Variants in NEXN observed in about 807,000 individuals in gnomAD.
The protein encoded by NEXN is nexilin F-actin binding protein, also known as nexilin.
In NEXN, 65 loss-of-function variants were observed where a neutral mutation model predicts 92.6. That is an observed-to-expected ratio of 0.70 (90% CI 0.57 to 0.86). The LOEUF is 0.86. Among genes scored for constraint, NEXN ranks in the 40% least tolerant of loss-of-function variants. The pLI, the probability that NEXN is intolerant of heterozygous loss-of-function variation, is 0.00. For missense variants in NEXN, 778 were observed against 771.1 expected (o/e 1.01, Z -0.11); for synonymous variants, 254 against 242.5 (o/e 1.05, Z -0.44).
intron 9 of NEXN, among the ~76,000 whole-genome samples, chr1:77,932,692 ATTTC>A (rs150052982): frequency 0.049 from 7,485 of 152,292 alleles, 420 homozygotes; most frequent in African/African-American, 0.14. Flanking sequence ...TGAATAAATT[ATTTC>A]TTTGTCTTCA....
At chr1:77,900,548 A>G (rs1444602425) in intron 1 of NEXN, among the ~76,000 whole-genome samples, 1 of 152,216 alleles carries the variant, frequency 6.6e-6, no homozygotes, top group Non-Finnish European at 1.5e-5. Context: ...TATTGTAAAT[A>G]CAGACCTCAT....
chr1:77,933,231 T>G, intron 9 of NEXN, 51 bp from the exon 10 acceptor site: 1 of 1,128,164 alleles, frequency 8.9e-7, no homozygotes, highest in Non-Finnish European at 1.3e-6. Flanking sequence ...AATAGTCCCT[T>G]TTTAGTATGT....
intron 11 of NEXN, among the ~76,000 whole-genome samples, 173 bp downstream of exon 11, chr1:77,936,217 C>T (rs1295373971): frequency 6.6e-6 from 1 of 152,088 alleles, no homozygotes; most frequent in Non-Finnish European, 1.5e-5. Context: ...GAAAGACTAG[C>T]ATTGTTTCAA....
intron 1 of NEXN, among the ~76,000 whole-genome samples, chr1:77,892,159 CCT>C (rs1184703769): frequency 6.6e-6 from 1 of 151,706 alleles, no homozygotes; most frequent in Non-Finnish European, 1.5e-5. Flanking sequence ...CGATTTACGT[CCT>C]CTCTTAAAAA....
chr1:77,930,333 T>A (rs141398188), intron 9 of NEXN, among the ~76,000 whole-genome samples: 1 of 152,302 alleles, frequency 6.6e-6, no homozygotes, highest in East Asian at 1.9e-4. Flanking sequence ...CTAAGTCTCG[T>A]TTATTCTACC....
intron 12 of NEXN, 123 bp downstream of exon 12, chr1:77,942,331 A>T (rs1651417049): frequency 7.3e-7 from 1 of 1,366,102 alleles, no homozygotes; most frequent in Admixed American, 1.7e-5. Flanking sequence ...TGTACTGTTA[A>T]GTACACTTTG....
In NEXN at chr1:77,935,978, AGAGC is replaced by A; in HGVS notation, c.1412_1415del (p.Arg471GlnfsTer40). On this transcript the variant is annotated frameshift_variant, in exon 11 of 13. Transcript: ENST00000334785. LOFTEE classifies it high-confidence loss of function. Reference sequence around the variant, plus strand: ...AAGAAATACAGAAAAAAATAGAAGAAGAGCGAGCAAGAAGGAGAGCAATTGACCT... The same window carrying A: ...AAGAAATACAGAAAAAAATAGAAGAAGAGCAAGAAGGAGAGCAATTGACCT... 6.2e-7 allele frequency: 1 copy of A among 1,614,022 alleles called. No individual in the cohort carries two copies. Among genetic ancestry groups the A allele is most frequent in the Non-Finnish European group, 8.5e-7 (1 of 1,179,992 alleles).
chr1:77,899,430 T>G (rs1647509627), intron 1 of NEXN, among the ~76,000 whole-genome samples: 1 of 152,034 alleles, frequency 6.6e-6, no homozygotes, highest in Non-Finnish European at 1.5e-5. Context: ...ACACCGCATG[T>G]TCTCACTCAT....
In NEXN at chr1:77,888,794, G is replaced by A. The variant is rs1337558505; in HGVS notation, c.-53+35G>A. On this transcript the variant is annotated intron_variant, in intron 1 of 12. Transcript: ENST00000334785. ...GTTGGGGGAACGTGGGCTGGGGGGAGTGGAGACGGAGGTGTCGGGTCCCCT... is the reference window on the plus strand; with the variant it reads ...GTTGGGGGAACGTGGGCTGGGGGGAATGGAGACGGAGGTGTCGGGTCCCCT... 29 of 153,272 alleles carry A rather than the reference G, an allele frequency of 1.9e-4. No homozygotes were observed. The Admixed American group carries it at 1.9e-3, about 10-fold the overall frequency. 9.5% of individuals were successfully genotyped at this position (153,272 alleles called of 1,614,324 possible). A position where few individuals can be genotyped will look rare whatever the true frequency, so the allele number is the denominator to read the frequency against.
chr1:77,937,338 AT>A (rs1376465142), intron 11 of NEXN, among the ~76,000 whole-genome samples: 2 of 151,796 alleles, frequency 1.3e-5, no homozygotes, highest in Non-Finnish European at 2.9e-5. Context: ...TCAGACAGAT[AT>A]TGTCTATATA....
intron 11 of NEXN, among the ~76,000 whole-genome samples, chr1:77,936,580 C>T (rs1052850398): frequency 2.6e-5 from 4 of 152,150 alleles, no homozygotes; most frequent in African/African-American, 9.7e-5. Flanking sequence ...AGTAGTAATT[C>T]GGTGTGGAAG....
intron 1 of NEXN, among the ~76,000 whole-genome samples, chr1:77,893,144 G>C (rs1187116575): frequency 6.6e-6 from 1 of 152,144 alleles, no homozygotes; most frequent in Non-Finnish European, 1.5e-5. Flanking sequence ...TGGGATTACA[G>C]GTGTGAGCCA....
At chr1:77,914,806 G>A (rs887568225) in intron 1 of NEXN, among the ~76,000 whole-genome samples, 2 of 149,516 alleles carry the variant, frequency 1.3e-5, no homozygotes, top group Admixed American at 6.7e-5. Flanking sequence ...GCAGTGAGCC[G>A]AGATCATGCC....
chr1:77,943,528 G>A lies in NEXN; in HGVS notation c.*699G>A, dbSNP rs1651578116. On this transcript the variant is annotated 3_prime_UTR_variant, in exon 13 of 13. Transcript: ENST00000334785. ...ACAAAAATTAAAGGACTTAAAGAAT[G>A]GCTATACAGTGTTGAGTGTTGAGGA... The A allele has an allele frequency of 1.3e-5, 2 of 153,466 alleles. No homozygotes were observed. The highest frequency in any genetic ancestry group is 4.0e-4 in the South Asian group (2 of 4,978). 9.5% of individuals were successfully genotyped at this position (153,466 alleles called of 1,614,324 possible). A position where few individuals can be genotyped will look rare whatever the true frequency, so the allele number is the denominator to read the frequency against.
intron 9 of NEXN, chr1:77,931,861 C>G (rs1177503142): frequency 1.3e-5 from 2 of 152,160 alleles, no homozygotes; most frequent in African/African-American, 4.8e-5. Context: ...TCTCTCATTC[C>G]CCTGTGTGTA....
intron 6 of NEXN, 146 bp from the exon 7 acceptor site, chr1:77,926,268 G>A (rs1017122371): frequency 5.2e-6 from 3 of 579,818 alleles, no homozygotes; most frequent in Non-Finnish European, 6.1e-6. Context: ...TAGAGTAGGA[G>A]ATATTTAATA....
Position 77,917,609 on chromosome 1 carries a change from C to T in NEXN, c.71C>T (p.Pro24Leu), listed in dbSNP as rs754776133. The T allele has an allele frequency of 3.7e-6, 6 of 1,613,006 alleles. No homozygotes were observed. In the East Asian group the frequency reaches 1.1e-4, roughly 30 times the overall value. The change falls in exon 3 of 13, where the codon CCA (proline) becomes CTA (leucine). Residue 24 changes from proline to leucine, a missense_variant. Physicochemically the swap from Pro to Leu is moderately conservative, Grantham distance 98. Around this residue, in one of 3 missense-constraint regions of NEXN, gnomAD observed 236 missense variants for 265.6 expected, o/e 0.89. Transcript: ENST00000334785. The part of the protein sequence containing the change: ...SSKPVPKTYV[P>L]KLGKGDVKDK... ...AAACCTGTCCCAAAAACCTATGTAC[C>T]AAAACTTGGCAAGGGTGATGTAAAG...
chr1:77,927,037 T>C, intron 8 of NEXN, 145 bp downstream of exon 8: 1 of 1,153,436 alleles, frequency 8.7e-7, no homozygotes, highest in South Asian at 1.5e-5. Flanking sequence ...ATAAAATACA[T>C]CTAGGCTAGG....
At chr1:77,907,974 C>A (rs1648249512) in intron 1 of NEXN, among the ~76,000 whole-genome samples, 1 of 152,114 alleles carries the variant, frequency 6.6e-6, no homozygotes, top group Admixed American at 6.5e-5. Flanking sequence ...GAGGCTCGGG[C>A]ATGGTTACTC....
Sources: allele counts gnomAD v4.1 joint callset (sites outside exome capture counted in the v4.1 genomes callset), GRCh38; gene constraint gnomAD v4.1.1; regional missense constraint gnomAD v4.1.1; transcripts MANE v1.5; gene names NCBI Gene and HGNC (gene_info 2026-07-23, HGNC 2026-07-21).